Variants in RFC2 observed in about 807,000 individuals in gnomAD.
RFC2 encodes replication factor C subunit 2, also known as A1 40 kDa subunit.
RFC2 carries 34 observed loss-of-function variants against 44.8 expected under a neutral mutation model. The observed-to-expected ratio is 0.76, with a 90% CI of 0.58 to 1.01. The LOEUF (loss-of-function observed/expected upper bound fraction) is 1.01, where lower values mean the gene tolerates loss of function less well. Ranked by LOEUF, RFC2 falls within the 50% of genes least tolerant of loss-of-function variation. The pLI, the probability that RFC2 is intolerant of heterozygous loss-of-function variation, is 0.00. For missense variants in RFC2, 400 were observed against 453.6 expected (o/e 0.88, Z 1.07); for synonymous variants, 177 against 168.9 (o/e 1.05, Z -0.37).
chr7:74,245,122 G>A (rs190316519), intron 5 of RFC2, among the ~76,000 whole-genome samples: 6 of 150,576 alleles, frequency 4.0e-5, no homozygotes, highest in African/African-American at 9.8e-5. Flanking sequence ...CTTCGCCTCC[G>A]GGGTTCAAGC....
At chr7:74,252,697 G>A (rs1787037896) in intron 1 of RFC2, among the ~76,000 whole-genome samples, 199 bp from the exon 2 acceptor site, 1 of 152,136 alleles carries the variant, frequency 6.6e-6, no homozygotes, top group Admixed American at 6.6e-5. Context: ...CACTTTGTGA[G>A]GCTGAGGCGG....
rs34664628 is a variant in RFC2, at chr7:74,239,170, CTTTTTTT to C, written c.694-189_694-183del. Among the ~76,000 whole-genome samples, 18 of 107,986 alleles carry C rather than the reference CTTTTTTT, an allele frequency of 1.7e-4. No homozygotes were observed. The East Asian group carries it at 4.5e-3, about 27-fold the overall frequency. The allele number at this position is 107,986 out of a possible 152,430, so 70.8% of individuals were successfully genotyped here. ...AGCCACCGCACCGGGCCAAGGGTGA[CTTTTTTT>C]TTTTTTTTTTTTTTTTGAGACAGAG... On this transcript the variant is annotated intron_variant, in intron 7 of 10. Coordinates refer to ENST00000055077, the MANE Select transcript of RFC2 (RefSeq NM_181471.3).
chr7:74,237,081 G>A (rs1803062664), intron 9 of RFC2, among the ~76,000 whole-genome samples: 1 of 151,484 alleles, frequency 6.6e-6, no homozygotes, highest in Non-Finnish European at 1.5e-5. Flanking sequence ...TTTTTTTCCA[G>A]TTCCTAGACA....
chr7:74,235,125 C>A (rs1445681901), intron 10 of RFC2, among the ~76,000 whole-genome samples: 1 of 152,174 alleles, frequency 6.6e-6, no homozygotes, highest in Non-Finnish European at 1.5e-5. Flanking sequence ...CAACCTCCAC[C>A]TCCCAGGTTC....
In RFC2 at chr7:74,239,997, G is replaced by A. The variant is rs1554719005; in HGVS notation, c.634C>T (p.Pro212Ser). ...LMNVIEKERV[P>S]YTDDGLEAII... ...GCTTCTAGGCCGTCATCAGTGTAGG[G>A]TACCCTCTCCTTCTCGATAACATTC... The change falls in exon 7 of 11, where the codon CCC (proline) becomes TCC (serine). Residue 212 changes from proline (P) to serine (S), a missense_variant. Coordinates refer to ENST00000055077, the MANE Select transcript of RFC2 (RefSeq NM_181471.3). The A allele has an allele frequency of 7.4e-6, 12 of 1,613,772 alleles. No homozygotes were observed. Among genetic ancestry groups the A allele is most frequent in the African/African-American group, 1.3e-5 (1 of 75,030 alleles).
In RFC2 at chr7:74,240,008, T is replaced by C; in HGVS notation, c.623A>G (p.Lys208Arg). 1 of 1,613,990 alleles carries C rather than the reference T, an allele frequency of 6.2e-7. No homozygotes were observed. The change falls in exon 7 of 11, where the codon AAG (lysine) becomes AGG (arginine). Residue 208 changes from lysine (K) to arginine (R), a missense_variant. Physicochemically the swap from Lys to Arg is conservative, Grantham distance 26. Coordinates refer to ENST00000055077, the MANE Select transcript of RFC2 (RefSeq NM_181471.3). ...ILTRLMNVIEKERVPYTDDGL... is the reference protein window; with the variant it reads ...ILTRLMNVIERERVPYTDDGL... ...GTCATCAGTGTAGGGTACCCTCTCCTTCTCGATAACATTCATCAGCCTGGT... is the reference window on the plus strand; with the variant it reads ...GTCATCAGTGTAGGGTACCCTCTCCCTCTCGATAACATTCATCAGCCTGGT...
rs181746764 is a variant in RFC2 at position 74,253,866 on chromosome 7, A to T, written c.113+405T>A. The T allele has an allele frequency of 4.5e-3, 786 of 175,712 alleles. 3 individuals carry two copies. Among genetic ancestry groups the T allele is most frequent in the Non-Finnish European group, 6.7e-3 (552 of 81,888 alleles). The allele number at this position is 175,712 out of a possible 1,614,324, so 10.9% of individuals were successfully genotyped here. A position where few individuals can be genotyped will look rare whatever the true frequency, so the allele number is the denominator to read the frequency against. On this transcript the variant is annotated intron_variant, in intron 1 of 10. Coordinates refer to ENST00000055077, the MANE Select transcript of RFC2 (RefSeq NM_181471.3). ...CCCCCGTCTTGATTTTTTTAAAAAA[A>T]TTTCAAATGTAAATGTTATTGAACC...
At chr7:74,249,807 G>A (rs781961081) in intron 2 of RFC2, 27 bp from the exon 3 acceptor site, 16 of 1,603,312 alleles carry the variant, frequency 1.0e-5, no homozygotes, top group African/African-American at 6.7e-5. Flanking sequence ...CATTAAAACC[G>A]GTTAAAACTT....
chr7:74,250,687 G>T (rs145611076), intron 2 of RFC2, among the ~76,000 whole-genome samples: 1 of 151,898 alleles, frequency 6.6e-6, no homozygotes, highest in African/African-American at 2.4e-5. Context: ...CCATTATCTC[G>T]TCTGATTGCT....
intron 1 of RFC2, among the ~76,000 whole-genome samples, chr7:74,253,332 C>T (rs888849866): frequency 6.6e-6 from 1 of 151,994 alleles, no homozygotes; most frequent in African/African-American, 2.4e-5. Flanking sequence ...CTCAGCCTCC[C>T]AAAGTGCTGG....
intron 6 of RFC2, 136 bp from the exon 7 acceptor site, chr7:74,240,231 G>A (rs984354938): frequency 3.9e-5 from 28 of 711,372 alleles, no homozygotes; most frequent in South Asian, 2.2e-4. Flanking sequence ...GGCCGGACAC[G>A]AGGGCTCACG....
chr7:74,250,063 G>A (rs1159171084), intron 2 of RFC2, among the ~76,000 whole-genome samples: 1 of 151,712 alleles, frequency 6.6e-6, no homozygotes, highest in Non-Finnish European at 1.5e-5. Flanking sequence ...TAAAATGGGA[G>A]GATCGGTTGA....
intron 2 of RFC2, among the ~76,000 whole-genome samples, chr7:74,251,402 CTGA>C (rs1254510195): frequency 1.3e-5 from 2 of 152,126 alleles, no homozygotes; most frequent in African/African-American, 4.8e-5. Context: ...ATTGCCCAGG[CTGA>C]TCTCAAACAC....
chr7:74,240,704 C>T (rs969782652), intron 6 of RFC2, among the ~76,000 whole-genome samples: 1 of 152,168 alleles, frequency 6.6e-6, no homozygotes, highest in Admixed American at 6.6e-5. Context: ...GATGAGTCAG[C>T]CCTGGCCCAG....
chr7:74,253,982 A>G (rs3135654), intron 1 of RFC2, among the ~76,000 whole-genome samples: 10,841 of 152,268 alleles, frequency 0.071, 1,257 homozygotes, highest in African/African-American at 0.24. Context: ...ACTACTATAC[A>G]CAAAAACTTT....
At chr7:74,249,188 C>G in intron 3 of RFC2, 70 bp from the exon 4 acceptor site, 2 of 1,607,670 alleles carry the variant, frequency 1.2e-6, no homozygotes, top group South Asian at 2.2e-5. Flanking sequence ...GAGTTATGTT[C>G]ACTGCTGTTT....
At chr7:74,235,132 G>T (rs1410726720) in intron 10 of RFC2, among the ~76,000 whole-genome samples, 3 of 152,160 alleles carry the variant, frequency 2.0e-5, no homozygotes, top group Non-Finnish European at 4.4e-5. Flanking sequence ...CACCTCCCAG[G>T]TTCAAGCGAT....
chr7:74,249,605 A>T, intron 3 of RFC2, 134 bp downstream of exon 3: 2 of 746,276 alleles, frequency 2.7e-6, no homozygotes, highest in East Asian at 2.5e-5. Flanking sequence ...TCCCAACTAG[A>T]GTGAAACACT....
chr7:74,239,686 C>CCT (rs1803217049), intron 7 of RFC2, among the ~76,000 whole-genome samples: 1 of 152,082 alleles, frequency 6.6e-6, no homozygotes, highest in Non-Finnish European at 1.5e-5. Flanking sequence ...ACCATGTTGG[C>CCT]CAGGCTGGTC....
Sources: gnomAD v4.1 joint callset for allele counts (sites outside exome capture counted in the v4.1 genomes callset) on GRCh38, gnomAD v4.1.1 for gene constraint, MANE v1.5 for transcripts, NCBI Gene and HGNC (gene_info 2026-07-23, HGNC 2026-07-21) for gene names.